KIF16B: variants seen among roughly 807,000 people sequenced by gnomAD.
KIF16B encodes kinesin-like protein KIF16B.
KIF16B carries 98 observed loss-of-function variants against 156.3 expected under a neutral mutation model. That is an observed-to-expected ratio of 0.63 (90% confidence interval 0.53 to 0.74). The LOEUF is 0.74. Among genes scored for constraint, KIF16B ranks in the 30% least tolerant of loss-of-function variants. The pLI is 0.00. For synonymous variants in KIF16B, 564 were observed against 583.7 expected (o/e 0.97, Z 0.49); for missense variants, 1,421 against 1,606.5 (o/e 0.88, Z 1.97).
At position 16,382,794 on chromosome 20, in the gene KIF16B, C is replaced by T. The variant is rs888848119; in HGVS notation, c.1785-1047G>A. Among the ~76,000 whole-genome samples, 3 of 150,550 alleles carry T rather than the reference C, an allele frequency of 2.0e-5. No homozygotes were observed. The East Asian group carries it at 5.9e-4, about 30-fold the overall frequency. ...GAACTATATAATTCTTAAGCTTATA[C>T]ATTTTTCTGTTGCGGTAGAGGGCAG... is the stretch of plus-strand genomic sequence containing the variant. On this transcript the variant is annotated intron_variant, in intron 17 of 25. Coordinates refer to ENST00000354981, the MANE Select transcript of KIF16B (RefSeq NM_024704.5).
At chr20:16,413,192 T>C (rs1428941540) in intron 15 of KIF16B, among the ~76,000 whole-genome samples, 1 of 152,086 alleles carries the variant, frequency 6.6e-6, no homozygotes, top group Admixed American at 6.6e-5. Flanking sequence ...CTTGAAATAA[T>C]GACTTCTTTG....
rs571405912 is a variant in KIF16B at position 16,547,235 on chromosome 20, C to T, written c.48-18795G>A. ...AAGGCAAGCTGGCCATGCCCACTCA[C>T]GATAAATGACAGAGCCACCATGGCC... On this transcript the variant is annotated intron_variant, in intron 1 of 25. Transcript: ENST00000354981. Among the ~76,000 whole-genome samples the T allele has an allele frequency of 7.2e-5, 11 of 152,310 alleles. No homozygotes were observed. In the East Asian group the frequency reaches 1.2e-3, roughly 16 times the overall value.
chr20:16,461,952 A>C (rs2067355978), intron 12 of KIF16B, among the ~76,000 whole-genome samples: 1 of 152,286 alleles, frequency 6.6e-6, no homozygotes, highest in South Asian at 2.1e-4. Context: ...TAAGGGTATA[A>C]ATTTCCAGAT....
At chr20:16,476,000 T>C (rs921781387) in intron 12 of KIF16B, among the ~76,000 whole-genome samples, 8 of 152,212 alleles carry the variant, frequency 5.3e-5, no homozygotes, top group Non-Finnish European at 1.0e-4. Context: ...GCACAATTTA[T>C]CTCTCACACA....
chr20:16,332,871 G>A (rs2063971796), intron 24 of KIF16B, among the ~76,000 whole-genome samples: 1 of 152,080 alleles, frequency 6.6e-6, no homozygotes, highest in Non-Finnish European at 1.5e-5. Context: ...CATCTCTCTT[G>A]ATAGTTCTAA....
chr20:16,381,051 ACTCT>A (rs1328718420), intron 18 of KIF16B, among the ~76,000 whole-genome samples: 3 of 152,142 alleles, frequency 2.0e-5, no homozygotes, highest in African/African-American at 7.2e-5. Context: ...TTTTACTCTA[ACTCT>A]CATCTTTGGT....
chr20:16,401,043 T>C (rs1384030254), intron 17 of KIF16B, among the ~76,000 whole-genome samples: 1 of 152,164 alleles, frequency 6.6e-6, no homozygotes, highest in Non-Finnish European at 1.5e-5. Flanking sequence ...GGGCAATTAC[T>C]TTCTACAGCA....
At chr20:16,286,005 C>A (rs2063217123) in intron 25 of KIF16B, among the ~76,000 whole-genome samples, 1 of 152,196 alleles carries the variant, frequency 6.6e-6, no homozygotes, top group Non-Finnish European at 1.5e-5. Context: ...ATTGGTTGTA[C>A]TAGCTCATTA....
intron 1 of KIF16B, among the ~76,000 whole-genome samples, chr20:16,537,677 T>A (rs1000953833): frequency 1.3e-5 from 2 of 151,226 alleles, no homozygotes; most frequent in South Asian, 4.2e-4. Context: ...CCCACCCACA[T>A]GTTCTTTTTC....
chr20:16,308,926 C>T (rs913587578), intron 25 of KIF16B, among the ~76,000 whole-genome samples: 3 of 152,182 alleles, frequency 2.0e-5, no homozygotes, highest in African/African-American at 7.2e-5. Flanking sequence ...CACATGTCTC[C>T]CAGGCAGCTG....
chr20:16,455,111 C>T (rs1424310414), intron 12 of KIF16B, among the ~76,000 whole-genome samples: 1 of 152,178 alleles, frequency 6.6e-6, no homozygotes, highest in Non-Finnish European at 1.5e-5. Context: ...ATTCATGATT[C>T]TACAACGATA....
At chr20:16,335,819 T>G in intron 24 of KIF16B, 107 bp downstream of exon 24, 1 of 650,976 alleles carries the variant, frequency 1.5e-6, no homozygotes, top group Non-Finnish European at 2.6e-6. Context: ...AATAAGCTAG[T>G]ATCTGAAAGA....
chr20:16,317,451 ATTTC>A (rs10545278), intron 24 of KIF16B, among the ~76,000 whole-genome samples: 22,083 of 152,150 alleles, frequency 0.15, 1,681 homozygotes, highest in Admixed American at 0.16. Flanking sequence ...AAGAAAAAGA[ATTTC>A]TTTCTTTCTG....
intron 23 of KIF16B, among the ~76,000 whole-genome samples, chr20:16,344,696 C>T (rs1260239241): frequency 6.6e-6 from 1 of 152,188 alleles, no homozygotes; most frequent in Non-Finnish European, 1.5e-5. Flanking sequence ...AATGAATTTA[C>T]ACTACAGGTA....
chr20:16,351,362 T>C (rs1049413997), intron 23 of KIF16B, among the ~76,000 whole-genome samples: 1 of 152,160 alleles, frequency 6.6e-6, no homozygotes, highest in Non-Finnish European at 1.5e-5. Context: ...TATGCTGAAA[T>C]GTGATTTCAA....
intron 12 of KIF16B, among the ~76,000 whole-genome samples, chr20:16,430,603 T>C (rs1282111227): frequency 6.6e-6 from 1 of 152,156 alleles, no homozygotes; most frequent in African/African-American, 2.4e-5. Context: ...CTCCAAAAAG[T>C]TCCCTATACT....
rs1023972262 is a variant in KIF16B at position 16,368,299 on chromosome 20, C to T, written c.3498+2287G>A. On this transcript the variant is annotated intron_variant, in intron 22 of 25. Transcript: ENST00000354981. The stretch of plus-strand genomic sequence containing the variant: ...ACCTGTAGCTGCAAAGACAGAGGCC[C>T]GGTAAGGCGCCGCACCCTCTGCTGG... The T allele has an allele frequency of 4.2e-5, 42 of 997,716 alleles. No individual in the cohort carries two copies. The Admixed American group carries it at 4.3e-4, about 10-fold the overall frequency. The allele number at this position is 997,716 out of a possible 1,614,324, so 61.8% of individuals were successfully genotyped here. A position where few individuals can be genotyped will look rare whatever the true frequency, so the allele number is the denominator to read the frequency against.
intron 12 of KIF16B, among the ~76,000 whole-genome samples, chr20:16,466,627 C>G (rs1379210291): frequency 1.3e-5 from 2 of 152,194 alleles, no homozygotes; most frequent in Admixed American, 6.5e-5. Flanking sequence ...GATTGTGAGG[C>G]CTCCCCAGCC....
Position 16,371,752 on chromosome 20 carries a change from A to T in KIF16B, c.3360T>A (p.Ala1120=). 2 of 1,607,482 alleles carry T rather than the reference A, an allele frequency of 1.2e-6. No individual in the cohort carries two copies. Among genetic ancestry groups the T allele is most frequent in the South Asian group, 2.2e-5 (2 of 90,946 alleles). ...GTCTTTGGACTTCTTCTTCAATGTAAGCATTGATCCTGTAACACAATGGAG... is the reference window on the plus strand; with the variant it reads ...GTCTTTGGACTTCTTCTTCAATGTATGCATTGATCCTGTAACACAATGGAG... ...LVPLMDARIN[A]YIEEEVQRRL... is the part of the protein sequence containing the mutation. The change falls in exon 21 of 26, where the codon GCT becomes GCA. Residue 1120 remains alanine (A), a synonymous_variant. Coordinates refer to ENST00000354981, the MANE Select transcript of KIF16B (RefSeq NM_024704.5).
Sources: allele counts gnomAD v4.1 joint callset (sites outside exome capture counted in the v4.1 genomes callset), GRCh38; gene constraint gnomAD v4.1.1; transcripts MANE v1.5; gene names NCBI Gene and HGNC (gene_info 2026-07-23, HGNC 2026-07-21).